C10orf90: variants seen among roughly 807,000 people sequenced by gnomAD.
C10orf90 encodes the protein (E2-independent) E3 ubiquitin-conjugating enzyme FATS.
In C10orf90, 56 loss-of-function variants were observed where a neutral mutation model predicts 62.5. That is an observed-to-expected ratio of 0.90 (90% CI 0.72 to 1.12). The LOEUF is 1.12. Among genes scored for constraint, C10orf90 ranks in the 50% most tolerant of loss-of-function variants. The probability of loss-of-function intolerance (pLI) is 0.00; values close to 1 mark genes in which losing one functional copy is unlikely to be tolerated. For missense variants in C10orf90, 970 were observed against 880.4 expected, an observed-to-expected ratio of 1.10 and a Z score of -1.29; for synonymous variants, 386 against 340.4, an observed-to-expected ratio of 1.13 and a Z score of -1.47.
intron 2 of C10orf90, among the ~76,000 whole-genome samples, chr10:126,616,984 A>G (rs1845554155): frequency 6.6e-6 from 1 of 152,174 alleles, no homozygotes; most frequent in African/African-American, 2.4e-5. Context: ...ACGGGAGACA[A>G]AAATTCCTGG....
intron 2 of C10orf90, among the ~76,000 whole-genome samples, chr10:126,635,572 G>A (rs1845934451): frequency 6.6e-6 from 1 of 152,210 alleles, no homozygotes; most frequent in African/African-American, 2.4e-5. Flanking sequence ...CTTCCATGGA[G>A]CTCCAGATTA....
chr10:126,497,668 A>G (rs1278148353), intron 4 of C10orf90, among the ~76,000 whole-genome samples: 2 of 152,318 alleles, frequency 1.3e-5, no homozygotes, highest in African/African-American at 4.8e-5. Flanking sequence ...TCTGCCCTGG[A>G]GCAGGGGGGG....
intron 7 of C10orf90, among the ~76,000 whole-genome samples, chr10:126,435,436 G>T (rs2134002627): frequency 2.0e-5 from 3 of 152,264 alleles, no homozygotes; most frequent in Middle Eastern, 6.8e-3. Context: ...TCACCATCTT[G>T]CAGCTTCCAT....
chr10:126,469,934 TG>T (rs1220769449), intron 4 of C10orf90: 1 of 456,566 alleles, frequency 2.2e-6, no homozygotes, highest in African/African-American at 2.0e-5. Flanking sequence ...GGAAGGAAGG[TG>T]TTCTTCTGCA....
chr10:126,522,939 G>C (rs970564052), intron 2 of C10orf90: 1 of 152,190 alleles, frequency 6.6e-6, no homozygotes, highest in Non-Finnish European at 1.5e-5. Context: ...GGCTGGCATA[G>C]GCTTTGTTGG....
At chr10:126,560,517 G>A (rs542286807) in intron 2 of C10orf90, among the ~76,000 whole-genome samples, 4 of 152,180 alleles carry the variant, frequency 2.6e-5, no homozygotes, top group African/African-American at 9.6e-5. Context: ...TGGCCTTCAG[G>A]GCCATTGGAG....
At chr10:126,553,472 A>G (rs1864685161) in intron 2 of C10orf90, among the ~76,000 whole-genome samples, 1 of 152,220 alleles carries the variant, frequency 6.6e-6, no homozygotes, top group South Asian at 2.1e-4. Flanking sequence ...GACCACATAT[A>G]TGATGATGGT....
At chr10:126,433,731 CG>C (rs1857733163) in intron 7 of C10orf90, among the ~76,000 whole-genome samples, 3 of 151,718 alleles carry the variant, frequency 2.0e-5, no homozygotes, top group Admixed American at 6.6e-5. Context: ...CAAAACAAAA[CG>C]AAAACAAAAC....
chr10:126,482,760 A>G (rs1264776549), intron 4 of C10orf90, among the ~76,000 whole-genome samples: 1 of 152,200 alleles, frequency 6.6e-6, no homozygotes, highest in African/African-American at 2.4e-5. Context: ...CATGCAGACC[A>G]GACACCAAGC....
intron 4 of C10orf90, among the ~76,000 whole-genome samples, chr10:126,491,232 A>G (rs1431884576): frequency 6.6e-6 from 1 of 152,242 alleles, no homozygotes; most frequent in East Asian, 1.9e-4. Context: ...ATCATACACA[A>G]AAGAGTATGC....
At position 126,504,465 on chromosome 10, in the gene C10orf90, C is replaced by G. The variant is rs752444335; in HGVS notation, c.1026G>C (p.Pro342=). 2 of 1,614,216 alleles carry G rather than the reference C, an allele frequency of 1.2e-6. No individual in the cohort carries two copies. ...SPDTPLSGKS[P]LVFSSCVHLR... ...GGTGGACACAGGAACTGAACACCAG[C>G]GGGCTCTTTCCTGACAGTGGGGTGT... The change falls in exon 4 of 10, where the codon CCG becomes CCC. Residue 342 remains proline, a synonymous_variant. Transcript: ENST00000488181. This position sits in a 1 kb window ranked among gnomAD's most constrained non-coding sequence, Gnocchi z 4.1.
Position 126,479,289 on chromosome 10 carries a change from G to T in C10orf90, c.1535-14303C>A, listed in dbSNP as rs577911273. On this transcript the variant is annotated intron_variant, in intron 4 of 9. Transcript: ENST00000488181. ...AGGTTCATGCTGGTTGAACTGAAAT[G>T]AATTACAATTGCACAAATTTATCAG... 1.9e-4 allele frequency among the ~76,000 whole-genome samples: 29 copies of T among 152,312 alleles called. No individual in the cohort carries two copies. In the South Asian group the frequency reaches 4.8e-3, roughly 25 times the overall value.
intron 2 of C10orf90, among the ~76,000 whole-genome samples, chr10:126,559,986 G>T (rs1048543016): frequency 1.3e-5 from 2 of 152,182 alleles, no homozygotes; most frequent in African/African-American, 4.8e-5. Context: ...TGCATATTTG[G>T]CCGTTTCAAG....
intron 2 of C10orf90, among the ~76,000 whole-genome samples, chr10:126,568,485 C>T (rs117612383): frequency 3.3e-5 from 5 of 152,324 alleles, no homozygotes; most frequent in African/African-American, 7.2e-5. Context: ...TCCTGAACAT[C>T]CCTGACCTCA....
At chr10:126,532,761 C>T (rs1467690301) in intron 2 of C10orf90, among the ~76,000 whole-genome samples, 2 of 136,428 alleles carry the variant, frequency 1.5e-5, no homozygotes, top group Non-Finnish European at 3.1e-5. Flanking sequence ...GGCGTGAACC[C>T]GGGAGGCGGA....
chr10:126,645,037 C>A (rs1041329008), intron 2 of C10orf90, among the ~76,000 whole-genome samples: 1 of 151,776 alleles, frequency 6.6e-6, no homozygotes, highest in Admixed American at 6.6e-5. Context: ...CGCATATTCT[C>A]ACTCATAGGT....
chr10:126,635,748 G>A (rs1413849465), intron 2 of C10orf90, among the ~76,000 whole-genome samples: 2 of 152,176 alleles, frequency 1.3e-5, no homozygotes, highest in African/African-American at 4.8e-5. Context: ...GGTGCTCACC[G>A]TCCTCCTTCA....
In C10orf90 at chr10:126,566,548, A is replaced by G. The variant is rs1844394683; in HGVS notation, c.314-52609T>C. Among the ~76,000 whole-genome samples the G allele has an allele frequency of 2.6e-5, 4 of 152,186 alleles. No homozygotes were observed. The South Asian group carries it at 8.3e-4, about 31-fold the overall frequency. On this transcript the variant is annotated intron_variant, in intron 2 of 9. Transcript: ENST00000488181. ...CAGGCTCCCTGAAGAGCCACCTGAAAGGCGAGAAGGAAGGAAGCCACCGGC... is the reference window on the plus strand; with the variant it reads ...CAGGCTCCCTGAAGAGCCACCTGAAGGGCGAGAAGGAAGGAAGCCACCGGC...
At chr10:126,550,601 C>T (rs1864610800) in intron 2 of C10orf90, among the ~76,000 whole-genome samples, 1 of 152,126 alleles carries the variant, frequency 6.6e-6, no homozygotes, top group African/African-American at 2.4e-5. Flanking sequence ...CCTCCGCCTC[C>T]TGGGTTCAAG....
Sources: allele counts gnomAD v4.1 joint callset (sites outside exome capture counted in the v4.1 genomes callset), GRCh38; gene constraint gnomAD v4.1.1; non-coding constraint Gnocchi (gnomAD v3.1); transcripts MANE v1.5; gene names NCBI Gene and HGNC (gene_info 2026-07-23, HGNC 2026-07-21).